Variants in CTTNBP2NL observed in about 807,000 individuals in gnomAD.
CTTNBP2NL encodes CTTNBP2 N-terminal like, also known as CTTNBP2 N-terminal-like protein.
A neutral mutation model predicts 32.5 loss-of-function variants in CTTNBP2NL; 16 were observed. The observed-to-expected ratio is 0.49, with a 90% confidence interval of 0.33 to 0.75. The LOEUF (loss-of-function observed/expected upper bound fraction) is 0.75. Among genes scored for constraint, CTTNBP2NL ranks in the 30% least tolerant of loss-of-function variants. The probability of loss-of-function intolerance (pLI) is 0.02; values close to 1 mark genes in which losing one functional copy is unlikely to be tolerated. For synonymous variants in CTTNBP2NL, 298 were observed against 289.4 expected (o/e 1.03, Z -0.30); for missense variants, 645 against 756.0 (o/e 0.85, Z 1.72).
At chr1:112,411,529 C>A (rs926933821) in intron 1 of CTTNBP2NL, among the ~76,000 whole-genome samples, 1 of 152,048 alleles carries the variant, frequency 6.6e-6, no homozygotes, top group African/African-American at 2.4e-5. Flanking sequence ...GTTTTTATTT[C>A]AGATTTATAG....
At chr1:112,452,517 T>C (rs531481978) in intron 4 of CTTNBP2NL, among the ~76,000 whole-genome samples, 3 of 149,984 alleles carry the variant, frequency 2.0e-5, no homozygotes, top group East Asian at 3.9e-4. Flanking sequence ...GCTAATTTTG[T>C]ATTTTTAGTA....
Position 112,396,256 on chromosome 1 carries a change from C to T in CTTNBP2NL, c.-150C>T, listed in dbSNP as rs1008573736. 1.3e-5 allele frequency: 2 copies of T among 152,344 alleles called. No homozygotes were observed. Among genetic ancestry groups the T allele is most frequent in the African/African-American group, 2.4e-5 (1 of 41,450 alleles). The allele number at this position is 152,344 out of a possible 1,614,324, so 9.4% of individuals were successfully genotyped here. ...AGTGGAGGCGGAGGGGAGCGGAGCC[C>T]GGAGCGTCGTGGAAAGGTAGGAGCA... On this transcript the variant is annotated 5_prime_UTR_variant, in exon 1 of 6. Transcript: ENST00000271277.
At chr1:112,422,648 C>T (rs1203106721) in intron 3 of CTTNBP2NL, among the ~76,000 whole-genome samples, 2 of 152,088 alleles carry the variant, frequency 1.3e-5, no homozygotes, top group African/African-American at 4.8e-5. Flanking sequence ...TTGGTATAGC[C>T]AATCTTTTTC....
At chr1:112,438,868 C>A (rs563205775) in intron 3 of CTTNBP2NL, among the ~76,000 whole-genome samples, 112 of 152,302 alleles carry the variant, frequency 7.4e-4, no homozygotes, top group African/African-American at 2.6e-3. Flanking sequence ...AAACACCCTG[C>A]AATGCAATGA....
At chr1:112,453,526 T>A (rs948793979) in intron 4 of CTTNBP2NL, among the ~76,000 whole-genome samples, 1 of 151,098 alleles carries the variant, frequency 6.6e-6, no homozygotes, top group African/African-American at 2.4e-5. Context: ...CTGAGGCGGG[T>A]GGATCACTTG....
chr1:112,454,544 G>T lies in CTTNBP2NL; in HGVS notation c.426G>T (p.Arg142Ser), dbSNP rs570775982. The stretch of plus-strand genomic sequence containing the variant: ...ACATGCTAGAGAAGGAAAGAGAGAG[G>T]CTGACTCAACAGGTAATTAAGGTAG... ...VTYMLEKERE[R>S]LTQQLEFEKS... Residue 142 changes from arginine to serine, a missense_variant, in exon 5 of 6, where the codon AGG (arginine) becomes AGT (serine). Coordinates refer to ENST00000271277, the MANE Select transcript of CTTNBP2NL (RefSeq NM_018704.3). 1 of 1,592,652 alleles carries T rather than the reference G, an allele frequency of 6.3e-7. No homozygotes were observed. Among genetic ancestry groups the T allele is most frequent in the East Asian group, 2.2e-5 (1 of 44,810 alleles).
At chr1:112,430,257 A>T (rs1649530447) in intron 3 of CTTNBP2NL, among the ~76,000 whole-genome samples, 1 of 148,020 alleles carries the variant, frequency 6.8e-6, no homozygotes, top group Non-Finnish European at 1.5e-5. Flanking sequence ...ACAGGGTCTC[A>T]CTCTGTCGCC....
chr1:112,411,317 A>G (rs1169170665), intron 1 of CTTNBP2NL, among the ~76,000 whole-genome samples: 2 of 152,250 alleles, frequency 1.3e-5, no homozygotes, highest in East Asian at 1.9e-4. Context: ...AAAGGCAAAG[A>G]TTACATTTTA....
At chr1:112,435,212 T>C (rs1309921469) in intron 3 of CTTNBP2NL, among the ~76,000 whole-genome samples, 1 of 151,568 alleles carries the variant, frequency 6.6e-6, no homozygotes, top group Non-Finnish European at 1.5e-5. Flanking sequence ...CGTAACATGG[T>C]TTCTCTTTTT....
chr1:112,436,248 T>C (rs1260673452), intron 3 of CTTNBP2NL, among the ~76,000 whole-genome samples: 2 of 152,238 alleles, frequency 1.3e-5, no homozygotes, highest in African/African-American at 2.4e-5. Context: ...ATATCTGTCA[T>C]AGGACAAATG....
At chr1:112,441,903 A>G (rs1233918931) in intron 3 of CTTNBP2NL, among the ~76,000 whole-genome samples, 1 of 151,940 alleles carries the variant, frequency 6.6e-6, no homozygotes, top group Non-Finnish European at 1.5e-5. Context: ...TTCCCATTGT[A>G]TTTTCAGAAA....
intron 3 of CTTNBP2NL, among the ~76,000 whole-genome samples, chr1:112,437,413 G>A (rs569544012): frequency 8.7e-4 from 132 of 152,218 alleles, no homozygotes; most frequent in African/African-American, 2.8e-3. Flanking sequence ...ATGCTTGTTG[G>A]CCACATGTAT....
chr1:112,456,433 C>T lies in CTTNBP2NL; in HGVS notation c.941C>T (p.Thr314Ile). 1 of 1,614,090 alleles carries T rather than the reference C, an allele frequency of 6.2e-7. No homozygotes were observed. Among genetic ancestry groups the T allele is most frequent in the Non-Finnish European group, 8.5e-7 (1 of 1,180,020 alleles). ...ATGCTAATGTCTGTGTTTTGCCAAA[C>T]AGAGAGTTTTCCAGCAGAAAGAACC... ...PLMLMSVFCQTESFPAERTHG... is the reference protein window; with the variant it reads ...PLMLMSVFCQIESFPAERTHG... Residue 314 changes from threonine (T) to isoleucine (I), a missense_variant, in exon 6 of 6, where the codon ACA becomes ATA. Thr to Ile is a moderately conservative substitution (Grantham distance 89). Coordinates refer to ENST00000271277, the MANE Select transcript of CTTNBP2NL (RefSeq NM_018704.3).
At position 112,429,486 on chromosome 1, in the gene CTTNBP2NL, G is replaced by A. The variant is rs1466246909; in HGVS notation, c.99+13222G>A. Among the ~76,000 whole-genome samples, 4 of 152,124 alleles carry A rather than the reference G, an allele frequency of 2.6e-5. No individual in the cohort carries two copies. In the East Asian group the frequency reaches 7.7e-4, roughly 29 times the overall value. On this transcript the variant is annotated intron_variant, in intron 3 of 5. Transcript: ENST00000271277. ...ATGATTTTGCCTGTGAATAGCTATT[G>A]TACTCCAGCCTGGGCAATATAGCAA...
At chr1:112,426,511 G>C (rs537582915) in intron 3 of CTTNBP2NL, among the ~76,000 whole-genome samples, 49 of 150,812 alleles carry the variant, frequency 3.2e-4, no homozygotes, top group African/African-American at 1.1e-3. Flanking sequence ...GGGCAATATA[G>C]CAAGACCCCA....
intron 3 of CTTNBP2NL, among the ~76,000 whole-genome samples, chr1:112,421,915 T>C (rs1176852303): frequency 1.3e-5 from 2 of 152,234 alleles, no homozygotes; most frequent in Non-Finnish European, 2.9e-5. Flanking sequence ...TTTTTTTTCA[T>C]TGATTTGTTT....
chr1:112,427,576 T>A (rs1759688), intron 3 of CTTNBP2NL, among the ~76,000 whole-genome samples: 95,524 of 152,018 alleles, frequency 0.63, 30,260 homozygotes, highest in South Asian at 0.71. Flanking sequence ...ACATAGTTAT[T>A]TTGATCTAGC....
rs554669514 is a variant in CTTNBP2NL, at chr1:112,460,348, C to T, written c.*2936C>T. On this transcript the variant is annotated 3_prime_UTR_variant, in exon 6 of 6. Transcript: ENST00000271277. ...GCACTTGACTGTGGCTTTGACAAAA[C>T]AAATGAAGTCAATGACCCATCCAGG... 1.3e-5 allele frequency: 2 copies of T among 152,186 alleles called. No homozygotes were observed. The highest frequency in any genetic ancestry group is 2.4e-5 in the African/African-American group (1 of 41,538). The allele number at this position is 152,186 out of a possible 1,614,324, so 9.4% of individuals were successfully genotyped here. A position where few individuals can be genotyped will look rare whatever the true frequency, so the allele number is the denominator to read the frequency against.
rs915509055 is a variant in CTTNBP2NL, at chr1:112,455,617, G to A, written c.439-314G>A. On this transcript the variant is annotated intron_variant, in intron 5 of 5. Transcript: ENST00000271277. ...TTTTCAGCAACATTCATCACAAAATGTGGTTGATACAGCTTTCTGTTATCT... is the reference window on the plus strand; with the variant it reads ...TTTTCAGCAACATTCATCACAAAATATGGTTGATACAGCTTTCTGTTATCT... 2.0e-5 allele frequency among the ~76,000 whole-genome samples: 3 copies of A among 152,376 alleles called. No individual in the cohort carries two copies. In the East Asian group the frequency reaches 5.8e-4, roughly 29 times the overall value.
Sources: gnomAD v4.1 joint callset for allele counts (sites outside exome capture counted in the v4.1 genomes callset) on GRCh38, gnomAD v4.1.1 for gene constraint, MANE v1.5 for transcripts, NCBI Gene and HGNC (gene_info 2026-07-23, HGNC 2026-07-21) for gene names.